Variants in TENM4 observed in about 807,000 individuals in gnomAD.
TENM4 encodes the protein teneurin-4.
TENM4 carries 82 observed loss-of-function variants against 243.3 expected under a neutral mutation model. The ratio of observed to expected loss-of-function variants is 0.34; its 90% CI spans 0.28 to 0.40. The LOEUF (loss-of-function observed/expected upper bound fraction) is 0.40, where lower values mean the gene tolerates loss of function less well. TENM4 is among the 10% of genes least tolerant of loss of function. The pLI is 1.00. For missense variants in TENM4, 3,138 were observed against 3,673.3 expected (o/e 0.85, Z 3.77); for synonymous variants, 1,412 against 1,456.3 (o/e 0.97, Z 0.69).
chr11:79,164,184 GTA>G (rs1429183642), intron 3 of TENM4, among the ~76,000 whole-genome samples: 3 of 121,674 alleles, frequency 2.5e-5, no homozygotes, highest in Admixed American at 9.2e-5. Flanking sequence ...ATACTATAGT[GTA>G]TATATATACT....
intron 25 of TENM4, among the ~76,000 whole-genome samples, chr11:78,717,740 T>G (rs1479728144): frequency 6.6e-6 from 1 of 152,246 alleles, no homozygotes; most frequent in African/African-American, 2.4e-5. Context: ...TGTCAGACTT[T>G]ATTTTGTCCT....
chr11:79,237,057 C>T (rs906005690), intron 2 of TENM4, among the ~76,000 whole-genome samples: 1 of 152,204 alleles, frequency 6.6e-6, no homozygotes, highest in Non-Finnish European at 1.5e-5. Context: ...TGCAGGCCAT[C>T]TAATATCCTG....
chr11:78,667,793 G>A (rs537237971), intron 32 of TENM4, among the ~76,000 whole-genome samples: 5 of 152,228 alleles, frequency 3.3e-5, no homozygotes, highest in Non-Finnish European at 5.9e-5. Flanking sequence ...TGAATCGCAC[G>A]ACAAAAGAGG....
At chr11:78,662,015 C>T (rs1858043710) in intron 32 of TENM4, among the ~76,000 whole-genome samples, 2 of 152,128 alleles carry the variant, frequency 1.3e-5, no homozygotes, top group African/African-American at 2.4e-5. Context: ...AGACAATTCA[C>T]TTAAGAAACA....
chr11:79,402,023 C>T (rs1213354965), intron 1 of TENM4: 1 of 416,700 alleles, frequency 2.4e-6, no homozygotes, highest in South Asian at 2.0e-5. Context: ...AGGGTAAGGT[C>T]CCTGCCCTCT....
At chr11:79,065,136 C>T in intron 5 of TENM4, 129 bp from the exon 6 acceptor site, 3 of 1,371,784 alleles carry the variant, frequency 2.2e-6, no homozygotes, top group Non-Finnish European at 2.8e-6. Context: ...CATTCTATGC[C>T]CATGCCTTTG....
At chr11:78,826,287 A>C (rs558289946) in intron 12 of TENM4, among the ~76,000 whole-genome samples, 155 of 152,042 alleles carry the variant, frequency 1.0e-3, no homozygotes, top group African/African-American at 3.5e-3. Flanking sequence ...GTGTTTCACC[A>C]TGTTGGTCAG....
At chr11:79,249,389 G>A (rs1275172055) in intron 2 of TENM4, among the ~76,000 whole-genome samples, 3 of 152,136 alleles carry the variant, frequency 2.0e-5, no homozygotes, top group Non-Finnish European at 2.9e-5. Context: ...CATGCTTCTA[G>A]TCTACCTTTT....
At chr11:79,006,144 G>A (rs1325357251) in intron 6 of TENM4, among the ~76,000 whole-genome samples, 1 of 152,176 alleles carries the variant, frequency 6.6e-6, no homozygotes, top group Non-Finnish European at 1.5e-5. Context: ...GGGAATACTT[G>A]CTTTTTGAGG....
In TENM4 at chr11:79,035,541, G is replaced by GAA. The variant is rs11390542; in HGVS notation, c.493+29195_493+29196dup. ...AGAAGATTTAAAAAAATTCAGACAA[G>GAA]AAAAAAAAAAAAGAAGGAAAACAAA... On this transcript the variant is annotated intron_variant, in intron 6 of 33. Coordinates refer to ENST00000278550, the MANE Select transcript of TENM4 (RefSeq NM_001098816.3). Among the ~76,000 whole-genome samples, 104 of 143,516 alleles carry GAA rather than the reference G, an allele frequency of 7.2e-4. 1 individual carries two copies. The East Asian group carries it at 8.4e-3, about 12-fold the overall frequency. 94.2% of individuals were successfully genotyped at this position (143,516 alleles called of 152,430 possible).
At chr11:78,917,323 C>T (rs552671797) in intron 6 of TENM4, among the ~76,000 whole-genome samples, 38 of 152,272 alleles carry the variant, frequency 2.5e-4, no homozygotes, top group African/African-American at 8.4e-4. Context: ...CCATCCAAAT[C>T]CAGCAAGTCA....
intron 6 of TENM4, among the ~76,000 whole-genome samples, chr11:78,976,024 A>C (rs2136600363): frequency 6.6e-6 from 1 of 152,332 alleles, no homozygotes; most frequent in South Asian, 2.1e-4. Context: ...TGGTCTGCTG[A>C]ACCCTATGCC....
At chr11:79,234,767 C>T (rs1864432424) in intron 2 of TENM4, among the ~76,000 whole-genome samples, 1 of 152,188 alleles carries the variant, frequency 6.6e-6, no homozygotes, top group African/African-American at 2.4e-5. Flanking sequence ...GGGTTTATTT[C>T]CCAGCGCTAG....
chr11:79,093,286 C>A (rs1189829616), intron 4 of TENM4: 1 of 152,158 alleles, frequency 6.6e-6, no homozygotes, highest in Non-Finnish European at 1.5e-5. Context: ...AAAGGAAGTT[C>A]ACTGGACTGG....
At chr11:78,885,056 C>A (rs973950780) in intron 9 of TENM4, among the ~76,000 whole-genome samples, 6 of 152,316 alleles carry the variant, frequency 3.9e-5, no homozygotes, top group East Asian at 3.9e-4. Flanking sequence ...CTATATCACA[C>A]CTTTTTTGCT....
chr11:78,753,760 T>A (rs1418883907), intron 19 of TENM4, among the ~76,000 whole-genome samples: 2 of 152,232 alleles, frequency 1.3e-5, no homozygotes, highest in African/African-American at 4.8e-5. Context: ...AAGCTTCCAT[T>A]ATCTATTCAT....
chr11:79,167,691 T>G (rs929199408), intron 3 of TENM4, among the ~76,000 whole-genome samples: 1 of 151,900 alleles, frequency 6.6e-6, no homozygotes, highest in Non-Finnish European at 1.5e-5. Flanking sequence ...GGTAGCCCAG[T>G]TGGAGGTGAA....
At chr11:79,068,390 G>T (rs1860322240) in intron 5 of TENM4, 1 of 152,196 alleles carries the variant, frequency 6.6e-6, no homozygotes, top group African/African-American at 2.4e-5. Flanking sequence ...ACCATAAGCT[G>T]GGAAAGGGAC....
intron 1 of TENM4, among the ~76,000 whole-genome samples, chr11:79,409,712 C>T (rs1346184918): frequency 6.6e-6 from 1 of 152,202 alleles, no homozygotes; most frequent in African/African-American, 2.4e-5. Flanking sequence ...TGCTTCCACT[C>T]CATAAATGCT....
Sources: allele counts gnomAD v4.1 joint callset (sites outside exome capture counted in the v4.1 genomes callset), GRCh38; gene constraint gnomAD v4.1.1; transcripts MANE v1.5; gene names NCBI Gene and HGNC (gene_info 2026-07-23, HGNC 2026-07-21).